KCNT2: variants seen among roughly 807,000 people sequenced by gnomAD.
The protein encoded by KCNT2 is potassium channel subfamily T member 2.
KCNT2 carries 67 observed loss-of-function variants against 153.8 expected under a neutral mutation model. The ratio of observed to expected loss-of-function variants is 0.44; its 90% confidence interval spans 0.36 to 0.53. The LOEUF (loss-of-function observed/expected upper bound fraction) is 0.53. Ranked by LOEUF, KCNT2 falls within the 20% of genes least tolerant of loss-of-function variation. KCNT2 has a pLI of 0.00. For synonymous variants in KCNT2, 500 were observed against 458.8 expected (o/e 1.09, Z -1.15); for missense variants, 975 against 1,354.8 (o/e 0.72, Z 4.40).
intron 20 of KCNT2, among the ~76,000 whole-genome samples, chr1:196,318,355 C>A (rs1026342314): frequency 2.0e-5 from 3 of 151,688 alleles, no homozygotes; most frequent in Non-Finnish European, 2.9e-5. Context: ...CCCAGACCAA[C>A]AATTATCAAT....
At chr1:196,273,354 T>C in intron 25 of KCNT2, 2 of 679,666 alleles carry the variant, frequency 2.9e-6, no homozygotes, top group Non-Finnish European at 4.9e-6. Context: ...AAATGATTTA[T>C]TTCATTTTAA....
At chr1:196,459,141 T>C (rs1676935563) in intron 8 of KCNT2, among the ~76,000 whole-genome samples, 1 of 151,770 alleles carries the variant, frequency 6.6e-6, no homozygotes, top group Non-Finnish European at 1.5e-5. Flanking sequence ...AAAACCAGTC[T>C]TTCTATTGTC....
At chr1:196,493,337 G>A (rs563988330) in intron 1 of KCNT2, among the ~76,000 whole-genome samples, 1 of 144,770 alleles carries the variant, frequency 6.9e-6, no homozygotes, top group Admixed American at 7.0e-5. Flanking sequence ...CTTTTTTTTG[G>A]GGGGGAGATT....
chr1:196,473,587 G>T (rs1678276554), intron 5 of KCNT2, among the ~76,000 whole-genome samples: 1 of 152,186 alleles, frequency 6.6e-6, no homozygotes, highest in Non-Finnish European at 1.5e-5. Flanking sequence ...AAATTGTACA[G>T]TGGGGCAATG....
chr1:196,554,047 A>G (rs973573547), intron 1 of KCNT2, among the ~76,000 whole-genome samples: 4 of 151,066 alleles, frequency 2.6e-5, no homozygotes, highest in Non-Finnish European at 4.5e-5. Context: ...TTATAAATGC[A>G]ATGAATGTGA....
intron 27 of KCNT2, among the ~76,000 whole-genome samples, chr1:196,228,970 C>A (rs1260167653): frequency 2.0e-5 from 3 of 151,938 alleles, no homozygotes; most frequent in African/African-American, 7.3e-5. Context: ...AGTGATAATA[C>A]TAAAGTATAG....
chr1:196,572,182 C>A (rs556140128), intron 1 of KCNT2, among the ~76,000 whole-genome samples: 1 of 152,150 alleles, frequency 6.6e-6, no homozygotes, highest in African/African-American at 2.4e-5. Context: ...TTCATCCAAC[C>A]TTCTCACCAA....
At chr1:196,325,422 G>T (rs943513548) in intron 19 of KCNT2, among the ~76,000 whole-genome samples, 11 of 152,062 alleles carry the variant, frequency 7.2e-5, no homozygotes, top group Non-Finnish European at 4.4e-5. Flanking sequence ...AGCAAAAGAA[G>T]CCAAAAGCTG....
intron 1 of KCNT2, among the ~76,000 whole-genome samples, chr1:196,581,831 T>C (rs957079612): frequency 2.0e-5 from 3 of 152,128 alleles, no homozygotes; most frequent in African/African-American, 7.2e-5. Flanking sequence ...AAGTCTTTCA[T>C]TTTGTTGTTC....
At chr1:196,480,811 G>T (rs1678947474) in intron 4 of KCNT2, among the ~76,000 whole-genome samples, 2 of 116,754 alleles carry the variant, frequency 1.7e-5, no homozygotes, top group South Asian at 2.9e-4. Flanking sequence ...AGCCGAGATC[G>T]CACCACTGCA....
chr1:196,257,492 T>G (rs1397206986), intron 26 of KCNT2: 1 of 977,100 alleles, frequency 1.0e-6, no homozygotes, highest in African/African-American at 1.8e-5. Context: ...TAAAACACCT[T>G]GTTTATCATT....
chr1:196,383,456 T>C (rs1436958041), intron 13 of KCNT2, among the ~76,000 whole-genome samples: 1 of 152,316 alleles, frequency 6.6e-6, no homozygotes, highest in East Asian at 1.9e-4. Context: ...GATAAAAGTC[T>C]GTGGAATGAA....
At chr1:196,368,736 T>A (rs1668250583) in intron 14 of KCNT2, among the ~76,000 whole-genome samples, 1 of 152,178 alleles carries the variant, frequency 6.6e-6, no homozygotes, top group African/African-American at 2.4e-5. Flanking sequence ...AATAAATTCC[T>A]AGAAAATAGT....
intron 25 of KCNT2, among the ~76,000 whole-genome samples, chr1:196,271,553 T>C (rs915862897): frequency 6.6e-6 from 1 of 152,012 alleles, no homozygotes; most frequent in African/African-American, 2.4e-5. Flanking sequence ...AGTAGGTAAA[T>C]AATGAAAGTA....
intron 8 of KCNT2, among the ~76,000 whole-genome samples, chr1:196,447,345 C>T (rs1174233856): frequency 5.3e-5 from 8 of 151,506 alleles, no homozygotes; most frequent in African/African-American, 1.9e-4. Context: ...AAGCCAAGAC[C>T]TAAAGGAGGC....
At chr1:196,363,573 C>G (rs1667798109) in intron 14 of KCNT2, among the ~76,000 whole-genome samples, 1 of 152,134 alleles carries the variant, frequency 6.6e-6, no homozygotes, top group African/African-American at 2.4e-5. Flanking sequence ...AGGGCTCTGC[C>G]TCATAGAATG....
intron 26 of KCNT2, among the ~76,000 whole-genome samples, chr1:196,256,276 T>TC (rs750506943): frequency 6.6e-6 from 1 of 151,718 alleles, no homozygotes; most frequent in Non-Finnish European, 1.5e-5. Flanking sequence ...ATCCTTTTAC[T>TC]CCCCCCAAAA....
intron 1 of KCNT2, among the ~76,000 whole-genome samples, chr1:196,499,583 C>T (rs574635246): frequency 1.6e-4 from 24 of 152,296 alleles, no homozygotes; most frequent in Admixed American, 5.2e-4. Context: ...ATAAAATCAT[C>T]TTACTTTTCT....
intron 1 of KCNT2, among the ~76,000 whole-genome samples, chr1:196,606,525 A>T (rs1429828142): frequency 6.6e-6 from 1 of 152,190 alleles, no homozygotes; most frequent in African/African-American, 2.4e-5. Flanking sequence ...ATTCTGCAAA[A>T]CTTTTTTAAT....
Sources: gnomAD v4.1 joint callset for allele counts (sites outside exome capture counted in the v4.1 genomes callset) on GRCh38, gnomAD v4.1.1 for gene constraint, MANE v1.5 for transcripts, NCBI Gene and HGNC (gene_info 2026-07-23, HGNC 2026-07-21) for gene names.